CAMKMT: variants seen among roughly 807,000 people sequenced by gnomAD.
The protein encoded by CAMKMT is CaM KMT.
Under a neutral mutation model 48.0 loss-of-function variants are expected in CAMKMT, and 53 were observed. The ratio of observed to expected loss-of-function variants is 1.10; its 90% CI spans 0.89 to 1.39. CAMKMT has a LOEUF of 1.39. Among genes scored for constraint, CAMKMT ranks in the 40% most tolerant of loss-of-function variants. The pLI, the probability that CAMKMT is intolerant of heterozygous loss-of-function variation, is 0.00. For missense variants in CAMKMT, 428 were observed against 402.7 expected (o/e 1.06, Z -0.54); for synonymous variants, 165 against 152.3 (o/e 1.08, Z -0.61).
intron 3 of CAMKMT, among the ~76,000 whole-genome samples, chr2:44,419,899 G>T (rs1584885): frequency 0.46 from 69,259 of 151,856 alleles, 17,717 homozygotes; most frequent in Middle Eastern, 0.6. Flanking sequence ...TTCTGTGGTT[G>T]CTAATATCTT....
At chr2:44,656,853 T>G (rs1346437018) in intron 3 of CAMKMT, among the ~76,000 whole-genome samples, 1 of 152,180 alleles carries the variant, frequency 6.6e-6, no homozygotes, top group Admixed American at 6.5e-5. Flanking sequence ...CACTTAAACT[T>G]ATATTCGAAC....
chr2:44,621,539 C>G (rs891282755), intron 3 of CAMKMT, among the ~76,000 whole-genome samples: 37 of 152,084 alleles, frequency 2.4e-4, no homozygotes, highest in African/African-American at 7.5e-4. Flanking sequence ...AGAACATATT[C>G]TAGGCAGAGG....
intron 3 of CAMKMT, among the ~76,000 whole-genome samples, chr2:44,499,108 A>G (rs374564488): frequency 6.6e-6 from 1 of 152,210 alleles, no homozygotes; most frequent in Non-Finnish European, 1.5e-5. Context: ...TCTTTTTTTA[A>G]AAAATGAATT....
intron 3 of CAMKMT, among the ~76,000 whole-genome samples, chr2:44,631,911 T>C: frequency 6.6e-6 from 1 of 152,300 alleles, no homozygotes. Context: ...CTTTAATTTA[T>C]ATTCACCTTC....
chr2:44,686,946 A>C (rs1676370700), intron 3 of CAMKMT, among the ~76,000 whole-genome samples: 1 of 152,226 alleles, frequency 6.6e-6, no homozygotes, highest in East Asian at 1.9e-4. Context: ...AGTTGCTTTA[A>C]AGTTTGTATT....
At chr2:44,608,095 C>G (rs112675786) in intron 3 of CAMKMT, among the ~76,000 whole-genome samples, 2,002 of 114,698 alleles carry the variant, frequency 0.017, 37 homozygotes, top group Middle Eastern at 0.056. Flanking sequence ...TTTTTTGAGA[C>G]GGAGTCTTGC....
intron 1 of CAMKMT, among the ~76,000 whole-genome samples, chr2:44,362,794 A>G (rs1286366662): frequency 6.6e-6 from 1 of 152,198 alleles, no homozygotes; most frequent in Non-Finnish European, 1.5e-5. Flanking sequence ...GAATGATGGT[A>G]TCTTCTGGTA....
chr2:44,496,544 C>A (rs1025044748), intron 3 of CAMKMT, among the ~76,000 whole-genome samples: 2 of 152,158 alleles, frequency 1.3e-5, no homozygotes, highest in African/African-American at 4.8e-5. Context: ...GTACGTATGC[C>A]TTACAGGCAC....
At chr2:44,661,095 T>C (rs1470368026) in intron 3 of CAMKMT, among the ~76,000 whole-genome samples, 1 of 152,152 alleles carries the variant, frequency 6.6e-6, no homozygotes, top group East Asian at 1.9e-4. Context: ...GTGTTGCTTG[T>C]TGTATCATCT....
intron 3 of CAMKMT, among the ~76,000 whole-genome samples, chr2:44,404,455 A>G (rs1682638253): frequency 1.3e-5 from 2 of 152,046 alleles, no homozygotes; most frequent in Admixed American, 1.3e-4. Context: ...CCCTCCAGAT[A>G]TCTTTTGCTA....
intron 9 of CAMKMT, among the ~76,000 whole-genome samples, chr2:44,759,248 C>G (rs1024848712): frequency 6.6e-6 from 1 of 152,130 alleles, no homozygotes; most frequent in South Asian, 2.1e-4. Context: ...CTCAGCCTCT[C>G]AAATAGCTAG....
chr2:44,402,529 G>C lies in CAMKMT; in HGVS notation c.376+12224G>C, dbSNP rs1357291417. On this transcript the variant is annotated intron_variant, in intron 3 of 10. Coordinates refer to ENST00000378494, the MANE Select transcript of CAMKMT (RefSeq NM_024766.5). ...CAATATTTTATGATAAAATATCTTT[G>C]TGTGGCTGTATTTTCAAACATTGTG... 3.3e-5 allele frequency among the ~76,000 whole-genome samples: 5 copies of C among 151,592 alleles called. No homozygotes were observed. The South Asian group carries it at 1.0e-3, about 32-fold the overall frequency.
intron 3 of CAMKMT, among the ~76,000 whole-genome samples, chr2:44,630,789 A>G (rs972720936): frequency 3.3e-5 from 5 of 151,388 alleles, no homozygotes; most frequent in African/African-American, 1.2e-4. Context: ...ACACTTTTAC[A>G]CTGTTGGTGG....
chr2:44,766,114 A>C (rs1052197296), intron 9 of CAMKMT, among the ~76,000 whole-genome samples: 6 of 152,214 alleles, frequency 3.9e-5, no homozygotes, highest in African/African-American at 1.2e-4. Flanking sequence ...AATCTAGTCA[A>C]TGGCTTAACC....
chr2:44,370,465 T>C (rs1041173040), intron 1 of CAMKMT, among the ~76,000 whole-genome samples: 5 of 152,190 alleles, frequency 3.3e-5, no homozygotes, highest in Admixed American at 2.0e-4. Flanking sequence ...TTCATAAATA[T>C]CCCTTTATTA....
chr2:44,613,712 A>G (rs1671719898), intron 3 of CAMKMT, among the ~76,000 whole-genome samples: 1 of 152,172 alleles, frequency 6.6e-6, no homozygotes, highest in Non-Finnish European at 1.5e-5. Flanking sequence ...CCCTCATGAT[A>G]TCCTTAGGAG....
At chr2:44,596,442 C>G (rs1033761309) in intron 3 of CAMKMT, among the ~76,000 whole-genome samples, 1 of 151,496 alleles carries the variant, frequency 6.6e-6, no homozygotes, top group Non-Finnish European at 1.5e-5. Flanking sequence ...GAGCGAGACT[C>G]TGTCTCAAAA....
intron 3 of CAMKMT, among the ~76,000 whole-genome samples, chr2:44,428,759 T>C (rs1337519866): frequency 6.6e-6 from 1 of 152,222 alleles, no homozygotes; most frequent in Non-Finnish European, 1.5e-5. Context: ...AGTTATGCAG[T>C]CACGTTAACC....
chr2:44,567,490 T>A (rs941934098), intron 3 of CAMKMT, among the ~76,000 whole-genome samples: 6 of 152,238 alleles, frequency 3.9e-5, no homozygotes, highest in African/African-American at 7.2e-5. Context: ...CTCTCCCATG[T>A]CAATCCTTTG....
Sources: gnomAD v4.1 joint callset for allele counts (sites outside exome capture counted in the v4.1 genomes callset) on GRCh38, gnomAD v4.1.1 for gene constraint, MANE v1.5 for transcripts, NCBI Gene and HGNC (gene_info 2026-07-23, HGNC 2026-07-21) for gene names.